Variants in DENND4C observed in about 807,000 individuals in gnomAD.
DENND4C encodes the protein DENN domain containing 4C.
DENND4C carries 108 observed loss-of-function variants against 203.0 expected under a neutral mutation model. That is an observed-to-expected ratio of 0.53 (90% CI 0.46 to 0.62). The LOEUF is 0.62. Ranked by LOEUF, DENND4C falls within the 20% of genes least tolerant of loss-of-function variation. The probability of loss-of-function intolerance (pLI) is 0.00; values close to 1 mark genes in which losing one functional copy is unlikely to be tolerated. For missense variants in DENND4C, 2,481 were observed against 2,301.2 expected, an observed-to-expected ratio of 1.08 and a Z score of -1.60; for synonymous variants, 871 against 792.4, an observed-to-expected ratio of 1.10 and a Z score of -1.67.
Position 19,239,323 on chromosome 9 carries a change from C to A in DENND4C, c.-18+8490C>A, listed in dbSNP as rs188659867. Among the ~76,000 whole-genome samples the A allele has an allele frequency of 4.6e-5, 7 of 152,064 alleles. No homozygotes were observed. The East Asian group carries it at 1.4e-3, about 29-fold the overall frequency. On this transcript the variant is annotated intron_variant, in intron 1 of 32. Transcript: ENST00000434457. ...TTCAGTTCAAAATATTGTTTAATTT[C>A]TTTTGCAGTTTCTTTTTTGATCAGG... is the stretch of plus-strand genomic sequence containing the variant.
chr9:19,344,814 T>TA (rs137870294), intron 22 of DENND4C, among the ~76,000 whole-genome samples: 3,912 of 151,178 alleles, frequency 0.026, 158 homozygotes, highest in African/African-American at 0.088. Context: ...AACCCTAACT[T>TA]AAAAAAAAAT....
At chr9:19,293,330 A>G (rs901433389) in intron 5 of DENND4C, among the ~76,000 whole-genome samples, 34 of 152,176 alleles carry the variant, frequency 2.2e-4, no homozygotes, top group Admixed American at 5.2e-4. Flanking sequence ...CTTTGAGATC[A>G]CTTTGAAATA....
At chr9:19,316,144 G>A (rs1316109310) in intron 10 of DENND4C, among the ~76,000 whole-genome samples, 1 of 152,142 alleles carries the variant, frequency 6.6e-6, no homozygotes, top group Non-Finnish European at 1.5e-5. Context: ...ATTCTAAAAT[G>A]TAACTTTTGA....
chr9:19,262,630 C>T (rs1433402143), intron 1 of DENND4C, among the ~76,000 whole-genome samples: 3 of 152,010 alleles, frequency 2.0e-5, no homozygotes, highest in Non-Finnish European at 4.4e-5. Context: ...TGGGGTTTTG[C>T]CATATCGGCC....
Position 19,352,301 on chromosome 9 carries a change from G to A in DENND4C, c.4605+119G>A, listed in dbSNP as rs544557666. 1.5e-5 allele frequency: 16 copies of A among 1,095,214 alleles called. 1 individual carries two copies. The Admixed American group carries it at 2.1e-4, about 15-fold the overall frequency. The allele number at this position is 1,095,214 out of a possible 1,614,324, so 67.8% of individuals were successfully genotyped here. A position where few individuals can be genotyped will look rare whatever the true frequency, so the allele number is the denominator to read the frequency against. ...ACAGTATAATAAAATAAGTCATTTT[G>A]TTGAATTTGCTTGATGTCTTATGTA... On this transcript the variant is annotated intron_variant, in intron 25 of 32. Coordinates refer to ENST00000434457, the MANE Select transcript of DENND4C (RefSeq NM_001330640.2).
intron 13 of DENND4C, among the ~76,000 whole-genome samples, chr9:19,324,946 G>T (rs1843483102): frequency 6.6e-6 from 1 of 152,036 alleles, no homozygotes; most frequent in Non-Finnish European, 1.5e-5. Context: ...TCAAACTCCT[G>T]GGCTCAAGTG....
In DENND4C at chr9:19,374,092, A is replaced by T. The variant is rs915532504; in HGVS notation, c.*1919A>T. Among the ~76,000 whole-genome samples the T allele has an allele frequency of 6.6e-6, 1 of 152,230 alleles. No individual in the cohort carries two copies. The highest frequency in any genetic ancestry group is 1.5e-5 in the Non-Finnish European group (1 of 68,044). On this transcript the variant is annotated 3_prime_UTR_variant, in exon 33 of 33. Transcript: ENST00000434457. ...CAACAGAAGTTTGGAATTACCTTGC[A>T]TATAAAAATTGAGGTTGAATAAAAT...
Position 19,357,995 on chromosome 9 carries a change from C to A in DENND4C, c.4995C>A (p.Val1665=). 6.2e-7 allele frequency: 1 copy of A among 1,612,554 alleles called. No individual in the cohort carries two copies. ...SDEIKRASGD[V]QTMKISSVPN... ...AAATAAAGAGAGCCAGTGGAGATGT[C>A]CAAACTATGAAAATTTCATCTGTGC... Residue 1665 remains valine, a synonymous_variant, in exon 28 of 33, where the codon GTC becomes GTA. Transcript: ENST00000434457.
intron 10 of DENND4C, among the ~76,000 whole-genome samples, chr9:19,315,300 T>C (rs1004293972): frequency 2.0e-5 from 3 of 152,020 alleles, no homozygotes; most frequent in Non-Finnish European, 4.4e-5. Flanking sequence ...AATCCAAGGC[T>C]GTCTGTTAAT....
chr9:19,355,143 C>T (rs543194849), intron 26 of DENND4C, among the ~76,000 whole-genome samples: 1 of 152,180 alleles, frequency 6.6e-6, no homozygotes, highest in East Asian at 1.9e-4. Context: ...ATCTCATGAC[C>T]TTGTGATCCG....
intron 1 of DENND4C, among the ~76,000 whole-genome samples, chr9:19,247,531 G>A (rs1825590087): frequency 1.3e-5 from 2 of 152,128 alleles, no homozygotes; most frequent in Admixed American, 1.3e-4. Context: ...GAGTAGCTAG[G>A]ACTTTAGGTG....
Position 19,346,107 on chromosome 9 carries a change from C to T in DENND4C, c.3338C>T (p.Ser1113Leu), listed in dbSNP as rs371185849. 54 of 1,614,006 alleles carry T rather than the reference C, an allele frequency of 3.3e-5. No homozygotes were observed. Among genetic ancestry groups the T allele is most frequent in the South Asian group, 5.5e-5 (5 of 91,072 alleles). ...GMLLKKSSLD[S>L]NSSEMAIMMG... The stretch of plus-strand genomic sequence containing the variant: ...TTGCTTAAGAAGAGTAGTTTGGATT[C>T]GAATTCAAGTGAAATGGCTATCATG... Residue 1113 changes from serine (S) to leucine (L), a missense_variant, in exon 23 of 33, where the codon TCG becomes TTG. Coordinates refer to ENST00000434457, the MANE Select transcript of DENND4C (RefSeq NM_001330640.2).
intron 2 of DENND4C, among the ~76,000 whole-genome samples, chr9:19,278,703 C>G (rs188372048): frequency 1.8e-4 from 27 of 152,236 alleles, no homozygotes; most frequent in Admixed American, 9.2e-4. Flanking sequence ...TCGTTTAACT[C>G]CTTTAGTATT....
intron 12 of DENND4C, among the ~76,000 whole-genome samples, chr9:19,319,407 CACATATATATAT>C (rs1189504852): frequency 1.4e-5 from 2 of 142,848 alleles, no homozygotes; most frequent in Non-Finnish European, 3.0e-5. Context: ...TATATATACA[CACATATATATAT>C]ACATATATAT....
intron 1 of DENND4C, among the ~76,000 whole-genome samples, chr9:19,238,690 G>A (rs1822908153): frequency 8.3e-6 from 1 of 120,510 alleles, no homozygotes; most frequent in Non-Finnish European, 1.7e-5. Context: ...TTTCGCTCTT[G>A]TGGCCCAGGC....
intron 1 of DENND4C, among the ~76,000 whole-genome samples, chr9:19,253,206 C>T (rs1421918495): frequency 5.3e-5 from 8 of 152,190 alleles, no homozygotes; most frequent in African/African-American, 1.9e-4. Flanking sequence ...ATCCTGATTT[C>T]TTTAAAAAGG....
intron 32 of DENND4C, 55 bp from the exon 33 acceptor site, chr9:19,371,982 A>G (rs1331703785): frequency 3.8e-6 from 6 of 1,559,464 alleles, no homozygotes; most frequent in Admixed American, 3.7e-5. Context: ...TTTGAAATGA[A>G]CGGCTGTTGT....
intron 1 of DENND4C, among the ~76,000 whole-genome samples, chr9:19,231,401 G>C (rs558747306): frequency 4.6e-5 from 7 of 152,242 alleles, no homozygotes; most frequent in African/African-American, 1.7e-4. Context: ...GATCCTCAGG[G>C]CTTCTTTGTC....
At chr9:19,258,422 G>T (rs948301217) in intron 1 of DENND4C, among the ~76,000 whole-genome samples, 1 of 152,078 alleles carries the variant, frequency 6.6e-6, no homozygotes, top group East Asian at 1.9e-4. Flanking sequence ...AGTATTCCTC[G>T]TTAACATATA....
Sources: allele counts gnomAD v4.1 joint callset (sites outside exome capture counted in the v4.1 genomes callset), GRCh38; gene constraint gnomAD v4.1.1; transcripts MANE v1.5; gene names NCBI Gene and HGNC (gene_info 2026-07-23, HGNC 2026-07-21).